Variants in MAP3K4 observed in about 807,000 individuals in gnomAD.
The protein encoded by MAP3K4 is mitogen-activated protein kinase kinase kinase 4.
MAP3K4 carries 67 observed loss-of-function variants against 185.6 expected under a neutral mutation model. The ratio of observed to expected loss-of-function variants is 0.36; its 90% CI spans 0.30 to 0.44. MAP3K4 has a LOEUF of 0.44. Ranked by LOEUF, MAP3K4 falls within the 20% of genes least tolerant of loss-of-function variation. The pLI is 1.00. For missense variants in MAP3K4, 1,551 were observed against 1,995.1 expected (o/e 0.78, Z 4.24); for synonymous variants, 702 against 710.4 (o/e 0.99, Z 0.19).
chr6:161,009,037 T>A (rs1010270231), intron 1 of MAP3K4, among the ~76,000 whole-genome samples: 2 of 150,214 alleles, frequency 1.3e-5, no homozygotes, highest in Non-Finnish European at 1.5e-5. Flanking sequence ...CAGGCTGGAG[T>A]GCAGTGGCAC....
Position 161,071,126 on chromosome 6 carries a change from T to G in MAP3K4, c.1950+276T>G, listed in dbSNP as rs1488314926. Among the ~76,000 whole-genome samples, 1 of 152,226 alleles carries G rather than the reference T, an allele frequency of 6.6e-6. No individual in the cohort carries two copies. The highest frequency in any genetic ancestry group is 1.5e-5 in the Non-Finnish European group (1 of 68,044). ...GTCTTTGAAGACTAAAATTTAAAAT[T>G]CATTCATAAGAGGTAGAGTATAAGA... On this transcript the variant is annotated intron_variant, in intron 4 of 26. Coordinates refer to ENST00000392142, the MANE Select transcript of MAP3K4 (RefSeq NM_005922.4). The surrounding 1 kb of genome is among the most constrained non-coding windows in gnomAD (Gnocchi z 4.6).
chr6:161,107,976 C>A lies in MAP3K4; in HGVS notation c.4119+7C>A. The A allele has an allele frequency of 6.2e-7, 1 of 1,613,520 alleles. No homozygotes were observed. The highest frequency in any genetic ancestry group is 1.1e-5 in the South Asian group (1 of 91,034). On this transcript the variant is annotated splice_region_variant and intron_variant, in intron 21 of 26. Transcript: ENST00000392142. The surrounding 1 kb of genome is among the most constrained non-coding windows in gnomAD (Gnocchi z 6.2). ...GCTGATGGCCATGAAAGAGGTGAGT[C>A]ACCTGGCTCCGTGGGGCCTTTGGGC... is the stretch of plus-strand genomic sequence containing the variant.
chr6:160,992,025 C>G lies in MAP3K4; in HGVS notation c.94C>G (p.Pro32Ala), dbSNP rs1175628806. 6 of 1,559,990 alleles carry G rather than the reference C, an allele frequency of 3.8e-6. No individual in the cohort carries two copies. Among genetic ancestry groups the G allele is most frequent in the African/African-American group, 1.4e-5 (1 of 72,162 alleles). ...GGAGCCGCCGCCACCGCCGCCGCCG[C>G]CACCACCGCCACCGGAACCCGAGAC... ...MEEPPPPPPP[P>A]PPPPEPETES... The change falls in exon 1 of 27, where the codon CCA becomes GCA. Residue 32 changes from proline to alanine, a missense_variant. Pro to Ala is a conservative substitution (Grantham distance 27). Coordinates refer to ENST00000392142, the MANE Select transcript of MAP3K4 (RefSeq NM_005922.4).
In MAP3K4 at chr6:161,048,903, C is replaced by A; in HGVS notation, c.631C>A (p.Arg211Ser). ...SVPMPIARPA[R>S]QTSRTDCPAD... ...GCCCATGCCTATAGCCAGACCTGCACGCCAGACTTCTAGGACTGACTGTCC... is the reference window on the plus strand; with the variant it reads ...GCCCATGCCTATAGCCAGACCTGCAAGCCAGACTTCTAGGACTGACTGTCC... Residue 211 changes from arginine (R) to serine (S), a missense_variant, in exon 3 of 27, where the codon CGC (arginine) becomes AGC (serine). By Grantham distance (110) the Arg-to-Ser change is moderately radical (BLOSUM62 -1). Around this residue, in one of 16 missense-constraint regions of MAP3K4, gnomAD observed 69 missense variants for 124.8 expected, o/e 0.55. Coordinates refer to ENST00000392142, the MANE Select transcript of MAP3K4 (RefSeq NM_005922.4). This position sits in a 1 kb window ranked among gnomAD's most constrained non-coding sequence, Gnocchi z 4.7. The A allele has an allele frequency of 4.3e-6, 7 of 1,614,096 alleles. No homozygotes were observed. Among genetic ancestry groups the A allele is most frequent in the Non-Finnish European group, 5.1e-6 (6 of 1,180,002 alleles).
At chr6:161,079,234 A>AAG (rs398003228) in intron 5 of MAP3K4, among the ~76,000 whole-genome samples, 2 of 149,872 alleles carry the variant, frequency 1.3e-5, no homozygotes, top group Non-Finnish European at 1.5e-5. Flanking sequence ...AAAAAAAAAA[A>AAG]GCAGTGGGAA....
At chr6:161,102,843 G>T (rs1489492253) in intron 19 of MAP3K4, 64 bp downstream of exon 19, 5 of 1,139,142 alleles carry the variant, frequency 4.4e-6, no homozygotes, top group Non-Finnish European at 6.2e-6. Flanking sequence ...CACATAAGGG[G>T]AGCAGTTTCA....
At position 161,088,795 on chromosome 6, in the gene MAP3K4, T is replaced by C. The variant is rs1785868781; in HGVS notation, c.2824-527T>C. On this transcript the variant is annotated intron_variant, in intron 10 of 26. Coordinates refer to ENST00000392142, the MANE Select transcript of MAP3K4 (RefSeq NM_005922.4). The surrounding 1 kb of genome is among the most constrained non-coding windows in gnomAD (Gnocchi z 4.5). The stretch of plus-strand genomic sequence containing the variant: ...CAAACCTCACCTTCTGTCTCTCCAA[T>C]TCTGTGTTTGTTTTTGTGCTTCTAG... 2.0e-5 allele frequency among the ~76,000 whole-genome samples: 3 copies of C among 152,194 alleles called. No homozygotes were observed. In the South Asian group the frequency reaches 6.2e-4, roughly 32 times the overall value.
chr6:161,067,296 G>T lies in MAP3K4; in HGVS notation c.1708-3312G>T. 1 of 429,850 alleles carries T rather than the reference G, an allele frequency of 2.3e-6. No individual in the cohort carries two copies. Among genetic ancestry groups the T allele is most frequent in the Non-Finnish European group, 4.7e-6 (1 of 214,432 alleles). The allele number at this position is 429,850 out of a possible 1,614,324, so 26.6% of individuals were successfully genotyped here. A position where few individuals can be genotyped will look rare whatever the true frequency, so the allele number is the denominator to read the frequency against. On this transcript the variant is annotated intron_variant, in intron 3 of 26. Transcript: ENST00000392142. The surrounding 1 kb of genome is among the most constrained non-coding windows in gnomAD (Gnocchi z 6.3). Reference sequence around the variant, plus strand: ...GCAGGGATGGGGCTTGCAGGTCACAGGTAGGTAAGAGACAAAACGTTACAT... The same window carrying T: ...GCAGGGATGGGGCTTGCAGGTCACATGTAGGTAAGAGACAAAACGTTACAT...
In MAP3K4 at chr6:161,017,374, TACTA is replaced by T. The variant is rs1345183676; in HGVS notation, c.153-16881_153-16878del. 2.0e-5 allele frequency among the ~76,000 whole-genome samples: 3 copies of T among 152,340 alleles called. No homozygotes were observed. The highest frequency in any genetic ancestry group is 4.1e-4 in the South Asian group (2 of 4,824). On this transcript the variant is annotated intron_variant, in intron 1 of 26. Transcript: ENST00000392142. The surrounding 1 kb of genome is among the most constrained non-coding windows in gnomAD (Gnocchi z 5.1). The stretch of plus-strand genomic sequence containing the variant: ...GTAATAGGGATGAGGGTGATAGAAC[TACTA>T]ACTGTTTTTCTGACAAGCACGTAAG...
chr6:160,992,067 T>A lies in MAP3K4; in HGVS notation c.136T>A (p.Cys46Ser), dbSNP rs371606483. The part of the protein sequence containing the change: ...PEPETESEPE[C>S]CLAARQEGTL... ...ACCCGAGACCGAGTCAGAACCCGAGTGCTGCTTGGCGGCGAGGTGAGTGTG... is the reference window on the plus strand; with the variant it reads ...ACCCGAGACCGAGTCAGAACCCGAGAGCTGCTTGGCGGCGAGGTGAGTGTG... Residue 46 changes from cysteine (C) to serine (S), a missense_variant, in exon 1 of 27, where the codon TGC becomes AGC. Cys to Ser is a moderately radical substitution (Grantham distance 112, BLOSUM62 -1). Transcript: ENST00000392142. 1 of 1,580,146 alleles carries A rather than the reference T, an allele frequency of 6.3e-7. No homozygotes were observed. Among genetic ancestry groups the A allele is most frequent in the African/African-American group, 1.4e-5 (1 of 72,004 alleles).
chr6:161,087,852 T>C lies in MAP3K4; in HGVS notation c.2721T>C (p.Gly907=), dbSNP rs1248193550. Residue 907 remains glycine, a synonymous_variant, in exon 10 of 27, where the codon GGT becomes GGC. Transcript: ENST00000392142. The surrounding 1 kb of genome is among the most constrained non-coding windows in gnomAD (Gnocchi z 4.9). ...CCTATCTGCTTCTGACCAAGCACGG[T>C]GATCGAGCCCGTGATTCAGAGGACA... is the stretch of plus-strand genomic sequence containing the variant. ...IDAYLLLTKH[G]DRARDSEDSW... is the part of the protein sequence containing the mutation. 2.5e-6 allele frequency: 4 copies of C among 1,614,162 alleles called. No homozygotes were observed. The East Asian group carries it at 6.7e-5, about 27-fold the overall frequency.
chr6:161,089,036 A>T (rs1014411558), intron 10 of MAP3K4, among the ~76,000 whole-genome samples: 1 of 151,820 alleles, frequency 6.6e-6, no homozygotes, highest in Non-Finnish European at 1.5e-5. Flanking sequence ...ACTCACACAC[A>T]CTCTGCACTG....
chr6:161,109,133 C>A lies in MAP3K4; in HGVS notation c.4236+274C>A, dbSNP rs567163980. On this transcript the variant is annotated intron_variant, in intron 22 of 26. Transcript: ENST00000392142. This position sits in a 1 kb window ranked among gnomAD's most constrained non-coding sequence, Gnocchi z 5.7. ...AGATTCTTCTAAAACGCCCCTTACA[C>A]CACTTCTTGTGACTTTTTTTCCGTT... 9.7e-6 allele frequency: 8 copies of A among 823,136 alleles called. No individual in the cohort carries two copies. Among genetic ancestry groups the A allele is most frequent in the African/African-American group, 5.1e-5 (3 of 58,388 alleles). The allele number at this position is 823,136 out of a possible 1,614,324, so 51.0% of individuals were successfully genotyped here. A position where few individuals can be genotyped will look rare whatever the true frequency, so the allele number is the denominator to read the frequency against.
chr6:160,992,965 A>C (rs1359849591), intron 1 of MAP3K4, among the ~76,000 whole-genome samples: 1 of 152,056 alleles, frequency 6.6e-6, no homozygotes, highest in Non-Finnish European at 1.5e-5. Flanking sequence ...TGTCCCCTGT[A>C]ATGAAAATAC....
Position 161,017,815 on chromosome 6 carries a change from G to T in MAP3K4, c.153-16444G>T, listed in dbSNP as rs1583114572. Among the ~76,000 whole-genome samples, 2 of 152,130 alleles carry T rather than the reference G, an allele frequency of 1.3e-5. No homozygotes were observed. The highest frequency in any genetic ancestry group is 4.8e-5 in the African/African-American group (2 of 41,420). ...CATCATGTAATCAGTCACTTTGAAG[G>T]TTGAAGGTCAAGTACTGGTTTTCCC... is the stretch of plus-strand genomic sequence containing the variant. On this transcript the variant is annotated intron_variant, in intron 1 of 26. Transcript: ENST00000392142. The surrounding 1 kb of genome is among the most constrained non-coding windows in gnomAD (Gnocchi z 5.1).
In MAP3K4 at chr6:161,112,259, C is replaced by T. The variant is rs187121975; in HGVS notation, c.4519+301C>T. ...TTAAAAAATGTAGACATTGTTTGTG[C>T]TCTGTAATGTGGCTTACCCCGAATC... On this transcript the variant is annotated intron_variant, in intron 24 of 26. Coordinates refer to ENST00000392142, the MANE Select transcript of MAP3K4 (RefSeq NM_005922.4). The surrounding 1 kb of genome is among the most constrained non-coding windows in gnomAD (Gnocchi z 5.1). 1.1e-4 allele frequency among the ~76,000 whole-genome samples: 17 copies of T among 152,176 alleles called. No homozygotes were observed. Among genetic ancestry groups the T allele is most frequent in the African/African-American group, 3.9e-4 (16 of 41,530 alleles).
Position 161,051,307 on chromosome 6 carries a change from C to T in MAP3K4, c.1707+1328C>T, listed in dbSNP as rs957153782. Among the ~76,000 whole-genome samples the T allele has an allele frequency of 6.6e-6, 1 of 151,964 alleles. No individual in the cohort carries two copies. Among genetic ancestry groups the T allele is most frequent in the Non-Finnish European group, 1.5e-5 (1 of 68,000 alleles). ...TCATTAACGATAAACAACTTGGAAA[C>T]TATGGAAAACACCTGAAGAGAACTT... On this transcript the variant is annotated intron_variant, in intron 3 of 26. Transcript: ENST00000392142. This position sits in a 1 kb window ranked among gnomAD's most constrained non-coding sequence, Gnocchi z 4.2.
At chr6:161,079,643 T>G (rs1215937778) in intron 5 of MAP3K4, among the ~76,000 whole-genome samples, 2 of 152,098 alleles carry the variant, frequency 1.3e-5, no homozygotes, top group African/African-American at 4.8e-5. Context: ...GAAGCTGTCC[T>G]CAGGAAGGAA....
At position 161,107,410 on chromosome 6, in the gene MAP3K4, G is replaced by T. The variant is rs905461413; in HGVS notation, c.4049-489G>T. Among the ~76,000 whole-genome samples the T allele has an allele frequency of 1.3e-5, 2 of 152,164 alleles. 1 individual carries two copies. The highest frequency in any genetic ancestry group is 4.1e-4 in the South Asian group (2 of 4,832). Reference sequence around the variant, plus strand: ...TACTTTATAAATTGGATTAATTATTGTTATCAGTCTTGTCCAGGCACATAT... The same window carrying T: ...TACTTTATAAATTGGATTAATTATTTTTATCAGTCTTGTCCAGGCACATAT... On this transcript the variant is annotated intron_variant, in intron 20 of 26. Coordinates refer to ENST00000392142, the MANE Select transcript of MAP3K4 (RefSeq NM_005922.4). This position sits in a 1 kb window ranked among gnomAD's most constrained non-coding sequence, Gnocchi z 6.2.
Sources: gnomAD v4.1 joint callset for allele counts (sites outside exome capture counted in the v4.1 genomes callset) on GRCh38, gnomAD v4.1.1 for gene constraint, gnomAD v4.1.1 regional missense constraint, Gnocchi (gnomAD v3.1) non-coding constraint, MANE v1.5 for transcripts, NCBI Gene and HGNC (gene_info 2026-07-23, HGNC 2026-07-21) for gene names.